The following DCHS2 variants were observed in gnomAD, a reference collection of about 807,000 sequenced individuals.
DCHS2 encodes protocadherin-23.
Under a neutral mutation model 182.4 loss-of-function variants are expected in DCHS2, and 142 were observed. The ratio of observed to expected loss-of-function variants is 0.78; its 90% CI spans 0.68 to 0.89. DCHS2 has a LOEUF of 0.89. Among genes scored for constraint, DCHS2 ranks in the 40% least tolerant of loss-of-function variants. The pLI is 0.00. For missense variants in DCHS2, 4,319 were observed against 4,198.6 expected, an observed-to-expected ratio of 1.03 and a Z score of -0.79; for synonymous variants, 1,740 against 1,663.3, an observed-to-expected ratio of 1.05 and a Z score of -1.12.
At chr4:154,347,240 T>G (rs1409271752) in intron 3 of DCHS2, among the ~76,000 whole-genome samples, 3 of 149,582 alleles carry the variant, frequency 2.0e-5, no homozygotes, top group African/African-American at 7.5e-5. Context: ...GAACCAGACT[T>G]CCTACATAAA....
At chr4:154,368,818 C>T (rs556387235) in intron 2 of DCHS2, among the ~76,000 whole-genome samples, 8 of 152,092 alleles carry the variant, frequency 5.3e-5, no homozygotes, top group South Asian at 2.1e-4. Flanking sequence ...TTTTTGTTGC[C>T]GGTAGGGTAA....
At chr4:154,387,014 T>C (rs543618230) in intron 1 of DCHS2, among the ~76,000 whole-genome samples, 3 of 152,354 alleles carry the variant, frequency 2.0e-5, no homozygotes, top group African/African-American at 4.8e-5. Flanking sequence ...TGTGGAACTA[T>C]TAAGATGTTG....
chr4:154,304,226 T>G (rs1298565487), intron 12 of DCHS2, among the ~76,000 whole-genome samples: 2 of 151,848 alleles, frequency 1.3e-5, no homozygotes, highest in South Asian at 4.2e-4. Context: ...ACTGATCACA[T>G]GAAAGCAACA....
intron 1 of DCHS2, among the ~76,000 whole-genome samples, chr4:154,397,192 A>C (rs1731966633): frequency 6.6e-6 from 1 of 152,222 alleles, no homozygotes; most frequent in Non-Finnish European, 1.5e-5. Flanking sequence ...TCAGCATGGG[A>C]AAGAGACATA....
At chr4:154,244,878 AATC>A (rs1732001342) in intron 16 of DCHS2, among the ~76,000 whole-genome samples, 1 of 152,202 alleles carries the variant, frequency 6.6e-6, no homozygotes, top group African/African-American at 2.4e-5. Context: ...TACCAAAAAT[AATC>A]AACTCATACT....
At position 154,350,775 on chromosome 4, in the gene DCHS2, G is replaced by T. The variant is rs541995029; in HGVS notation, c.2476+15435C>A. ...TCACATGTATTTTGTATATTGGAAAGTAAATTTACCAATATTAACTTTAGG... is the reference window on the plus strand; with the variant it reads ...TCACATGTATTTTGTATATTGGAAATTAAATTTACCAATATTAACTTTAGG... On this transcript the variant is annotated intron_variant, in intron 3 of 19. Coordinates refer to ENST00000357232, the MANE Select transcript of DCHS2 (RefSeq NM_001358235.2). Among the ~76,000 whole-genome samples the T allele has an allele frequency of 2.6e-5, 4 of 152,250 alleles. No homozygotes were observed. The South Asian group carries it at 8.3e-4, about 32-fold the overall frequency.
intron 10 of DCHS2, among the ~76,000 whole-genome samples, chr4:154,313,070 G>A (rs572648953): frequency 6.6e-6 from 1 of 152,312 alleles, no homozygotes; most frequent in South Asian, 2.1e-4. Context: ...TTATGGAATA[G>A]AGAATAACAT....
In DCHS2 at chr4:154,333,318, C is replaced by CGGTGCTGCTGCAGGCTGG. The variant is rs747733994; in HGVS notation, c.2872_2889dup (p.Pro958_Thr963dup). 2 of 1,614,180 alleles carry CGGTGCTGCTGCAGGCTGG rather than the reference C, an allele frequency of 1.2e-6. No individual in the cohort carries two copies. Among genetic ancestry groups the CGGTGCTGCTGCAGGCTGG allele is most frequent in the Non-Finnish European group, 1.7e-6 (2 of 1,180,028 alleles). On this transcript the variant is annotated inframe_insertion, in exon 5 of 20. Transcript: ENST00000357232. Reference sequence around the variant, plus strand: ...ACATCCATGACTGTTATGTTGACCTCGGTGCTGCTGCAGGCTGGGGCGCTG... The same window carrying CGGTGCTGCTGCAGGCTGG: ...ACATCCATGACTGTTATGTTGACCTCGGTGCTGCTGCAGGCTGGGGTGCTGCTGCAGGCTGGGGCGCTG...
intron 1 of DCHS2, among the ~76,000 whole-genome samples, chr4:154,474,670 G>A (rs568208208): frequency 9.0e-5 from 13 of 143,780 alleles, no homozygotes; most frequent in South Asian, 4.8e-4. Context: ...CAGGCTCCCC[G>A]ATCCCGGGCC....
At chr4:154,474,498 C>A (rs1408883013) in intron 1 of DCHS2, among the ~76,000 whole-genome samples, 1 of 152,190 alleles carries the variant, frequency 6.6e-6, no homozygotes, top group Non-Finnish European at 1.5e-5. Context: ...CATCCCAGAG[C>A]TCCCTACAGG....
At chr4:154,470,053 TG>T (rs1030786923) in intron 1 of DCHS2, among the ~76,000 whole-genome samples, 10 of 152,278 alleles carry the variant, frequency 6.6e-5, no homozygotes, top group Admixed American at 5.2e-4. Context: ...TGAGACGTAG[TG>T]GGTGGTGAAT....
At chr4:154,258,619 C>T (rs1384865358) in intron 15 of DCHS2, among the ~76,000 whole-genome samples, 1 of 152,044 alleles carries the variant, frequency 6.6e-6, no homozygotes, top group African/African-American at 2.4e-5. Context: ...TCAGGTGATC[C>T]ACCTGCCTTG....
At chr4:154,441,448 C>T (rs1284866118) in intron 1 of DCHS2, among the ~76,000 whole-genome samples, 1 of 152,076 alleles carries the variant, frequency 6.6e-6, no homozygotes, top group Non-Finnish European at 1.5e-5. Flanking sequence ...TTTAAAAGCA[C>T]ACAGTATGCA....
chr4:154,396,998 C>T (rs1346979311), intron 1 of DCHS2, among the ~76,000 whole-genome samples: 3 of 152,112 alleles, frequency 2.0e-5, no homozygotes, highest in Non-Finnish European at 2.9e-5. Context: ...GAATAATAGC[C>T]TAAGACAAGA....
intron 3 of DCHS2, among the ~76,000 whole-genome samples, chr4:154,344,360 A>C (rs574177511): frequency 5.3e-5 from 8 of 152,330 alleles, no homozygotes; most frequent in African/African-American, 1.9e-4. Context: ...AGCACAATGA[A>C]GTGGGGTATG....
intron 16 of DCHS2, among the ~76,000 whole-genome samples, chr4:154,253,192 AGTGT>A (rs945445954): frequency 3.5e-5 from 5 of 142,542 alleles, no homozygotes; most frequent in African/African-American, 1.3e-4. Context: ...AGAGAGAGAG[AGTGT>A]GTGTGTGTGT....
intron 13 of DCHS2, among the ~76,000 whole-genome samples, chr4:154,279,391 C>T (rs2111230054): frequency 6.6e-6 from 1 of 151,996 alleles, no homozygotes; most frequent in African/African-American, 2.4e-5. Flanking sequence ...CACAAATAAG[C>T]TGAAAATGAA....
At chr4:154,366,571 T>G (rs1730373826) in intron 2 of DCHS2, 130 bp from the exon 3 acceptor site, 1 of 678,962 alleles carries the variant, frequency 1.5e-6, no homozygotes, top group Non-Finnish European at 2.6e-6. Flanking sequence ...TATATGTATA[T>G]GTGTGTATAC....
chr4:154,409,322 C>T (rs1732526969), intron 1 of DCHS2, among the ~76,000 whole-genome samples: 1 of 152,162 alleles, frequency 6.6e-6, no homozygotes, highest in Non-Finnish European at 1.5e-5. Context: ...TGCCATGTCC[C>T]ATCATCCCAG....
Sources: gnomAD v4.1 joint callset for allele counts (sites outside exome capture counted in the v4.1 genomes callset) on GRCh38, gnomAD v4.1.1 for gene constraint, MANE v1.5 for transcripts, NCBI Gene and HGNC (gene_info 2026-07-23, HGNC 2026-07-21) for gene names.